Variants in OPHN1 observed in about 807,000 individuals in gnomAD.
OPHN1 encodes the protein oligophrenin-1.
OPHN1 carries 11 observed loss-of-function variants against 60.7 expected under a neutral mutation model. The observed-to-expected ratio is 0.18, with a 90% CI of 0.11 to 0.30. The LOEUF (loss-of-function observed/expected upper bound fraction) is 0.30. Ranked by LOEUF, OPHN1 falls within the 10% of genes least tolerant of loss-of-function variation. OPHN1 has a pLI of 1.00. For synonymous variants in OPHN1, 226 were observed against 222.6 expected, an observed-to-expected ratio of 1.02 and a Z score of -0.14; for missense variants, 449 against 611.0, an observed-to-expected ratio of 0.73 and a Z score of 2.80.
chrX:68,172,595 G>C (rs1602210585), intron 15 of OPHN1, among the ~76,000 whole-genome samples: 1 of 111,124 alleles, frequency 9.0e-6, no homozygotes, highest in South Asian at 3.8e-4. Flanking sequence ...CTTCAAATCA[G>C]TGATTTTATA....
chrX:68,236,185 C>T (rs915502992), intron 5 of OPHN1, among the ~76,000 whole-genome samples: 3 of 110,872 alleles, frequency 2.7e-5, no homozygotes, highest in East Asian at 2.9e-4. Flanking sequence ...GTTCCATAGC[C>T]CAACCCTAAC....
chrX:68,129,340 T>C (rs2077184505), intron 15 of OPHN1, among the ~76,000 whole-genome samples: 1 of 111,278 alleles, frequency 9.0e-6, no homozygotes, highest in Admixed American at 9.6e-5. Flanking sequence ...CCAAACTGCA[T>C]GAGAGTCACT....
chrX:68,102,068 T>C (rs2077061500), intron 18 of OPHN1: 1 of 112,241 alleles, frequency 8.9e-6, no homozygotes, highest in Non-Finnish European at 1.9e-5. Context: ...AAAAAGGCAC[T>C]GGGCAGGGGC....
At chrX:68,263,671 C>A (rs2077906160) in intron 5 of OPHN1, among the ~76,000 whole-genome samples, 1 of 111,366 alleles carries the variant, frequency 9.0e-6, no homozygotes, top group Non-Finnish European at 1.9e-5. Context: ...CCTCTTGATT[C>A]TAAAGCCTGA....
At chrX:68,146,919 T>C (rs2077266428) in intron 15 of OPHN1, among the ~76,000 whole-genome samples, 1 of 112,240 alleles carries the variant, frequency 8.9e-6, no homozygotes, top group African/African-American at 3.2e-5. Context: ...TGTGTACATA[T>C]ATGTACATAT....
At chrX:68,277,907 G>A (rs927832981) in intron 4 of OPHN1, among the ~76,000 whole-genome samples, 4 of 112,272 alleles carry the variant, frequency 3.6e-5, no homozygotes, top group Non-Finnish European at 7.5e-5. Flanking sequence ...GCACTGTATG[G>A]AGCTGGGCCC....
In OPHN1 at chrX:68,046,458, G is replaced by A. The variant is rs2076832703; in HGVS notation, c.*714C>T. Reference sequence around the variant, plus strand: ...GAAAGAATAATCCAAATAGACCTAGGCTTTTACATGCAAAACATGCTTTGC... The same window carrying A: ...GAAAGAATAATCCAAATAGACCTAGACTTTTACATGCAAAACATGCTTTGC... On this transcript the variant is annotated 3_prime_UTR_variant, in exon 25 of 25. Coordinates refer to ENST00000355520, the MANE Select transcript of OPHN1 (RefSeq NM_002547.3). 8.9e-6 allele frequency: 1 copy of A among 112,162 alleles called. No individual in the cohort carries two copies. Among genetic ancestry groups the A allele is most frequent in the Non-Finnish European group, 1.9e-5 (1 of 53,217 alleles). 9.2% of individuals were successfully genotyped at this position (112,162 alleles called of 1,213,427 possible). A position where few individuals can be genotyped will look rare whatever the true frequency, so the allele number is the denominator to read the frequency against.
chrX:68,350,668 C>A (rs1334336294), intron 2 of OPHN1, among the ~76,000 whole-genome samples: 1 of 107,866 alleles, frequency 9.3e-6, no homozygotes, highest in Non-Finnish European at 1.9e-5. Context: ...AGGCACATGC[C>A]ACCACACTTG....
intron 19 of OPHN1, among the ~76,000 whole-genome samples, chrX:68,089,885 T>A (rs2077009980): frequency 8.9e-6 from 1 of 111,735 alleles, no homozygotes; most frequent in African/African-American, 3.3e-5. Flanking sequence ...GAAGCTACGT[T>A]TTCAAAGATT....
chrX:68,171,104 T>TA, intron 15 of OPHN1, among the ~76,000 whole-genome samples: 1 of 110,298 alleles, frequency 9.1e-6, no homozygotes, highest in South Asian at 3.8e-4. Flanking sequence ...TTATACATTT[T>TA]AAAATAACTA....
At chrX:68,328,922 C>A (rs1056598137) in intron 2 of OPHN1, among the ~76,000 whole-genome samples, 2 of 111,982 alleles carry the variant, frequency 1.8e-5, no homozygotes, top group South Asian at 3.7e-4. Flanking sequence ...CATTTCAAAT[C>A]TTTTTATTTT....
intron 8 of OPHN1, among the ~76,000 whole-genome samples, chrX:68,211,490 C>T (rs774817342): frequency 1.7e-4 from 19 of 112,622 alleles, no homozygotes; most frequent in Admixed American, 3.8e-4. Context: ...ATGGCATGTC[C>T]AGTGCCTTTC....
intron 16 of OPHN1, 100 bp from the exon 17 acceptor site, chrX:68,113,339 A>C (rs1401759489): frequency 3.2e-6 from 2 of 631,181 alleles, no homozygotes; most frequent in African/African-American, 4.4e-5. Context: ...TGAGCCCTAC[A>C]GCTTAGTGGG....
At chrX:68,352,373 A>C (rs1330385393) in intron 2 of OPHN1, among the ~76,000 whole-genome samples, 1 of 108,873 alleles carries the variant, frequency 9.2e-6, no homozygotes, top group Non-Finnish European at 1.9e-5. Flanking sequence ...AAAAAAAAAA[A>C]CACCCAGCCC....
rs535614168 is a variant in OPHN1, at chrX:68,319,057, C to T, written c.155-19961G>A. Among the ~76,000 whole-genome samples, 89 of 111,654 alleles carry T rather than the reference C, an allele frequency of 8.0e-4. No homozygotes were observed. In the Middle Eastern group the frequency reaches 0.014, roughly 17 times the overall value. Reference sequence around the variant, plus strand: ...GATAACGCAGTGTCAGGTTTCTCCACTCTCAAATTACTCTTTCTTTCCTCC... The same window carrying T: ...GATAACGCAGTGTCAGGTTTCTCCATTCTCAAATTACTCTTTCTTTCCTCC... On this transcript the variant is annotated intron_variant, in intron 2 of 24. Coordinates refer to ENST00000355520, the MANE Select transcript of OPHN1 (RefSeq NM_002547.3).
intron 2 of OPHN1, among the ~76,000 whole-genome samples, chrX:68,426,532 T>A (rs1185437101): frequency 2.6e-5 from 1 of 38,124 alleles, no homozygotes; most frequent in African/African-American, 5.6e-5. Context: ...TAGTGATATA[T>A]TTTTTTTCTG....
intron 5 of OPHN1, among the ~76,000 whole-genome samples, chrX:68,264,816 G>T (rs1413554034): frequency 8.9e-6 from 1 of 112,218 alleles, no homozygotes; most frequent in Non-Finnish European, 1.9e-5. Flanking sequence ...GGAAAATCGG[G>T]TCACTCCCAC....
chrX:68,358,929 C>T (rs2078456034), intron 2 of OPHN1, among the ~76,000 whole-genome samples: 1 of 111,891 alleles, frequency 8.9e-6, no homozygotes, highest in Admixed American at 9.6e-5. Flanking sequence ...CAAAAGCCCC[C>T]AATGCTAGTG....
At chrX:68,077,652 T>A (rs2076958418) in intron 19 of OPHN1, among the ~76,000 whole-genome samples, 1 of 111,971 alleles carries the variant, frequency 8.9e-6, no homozygotes, top group South Asian at 3.7e-4. Flanking sequence ...AAGAAAAGGG[T>A]CTAAAAGCAT....
Sources: gnomAD v4.1 joint callset for allele counts (sites outside exome capture counted in the v4.1 genomes callset) on GRCh38, gnomAD v4.1.1 for gene constraint, MANE v1.5 for transcripts, NCBI Gene and HGNC (gene_info 2026-07-23, HGNC 2026-07-21) for gene names.